DOCK5: variants seen among roughly 807,000 people sequenced by gnomAD.
DOCK5 encodes dedicator of cytokinesis 5.
A neutral mutation model predicts 251.8 loss-of-function variants in DOCK5; 142 were observed. That is an observed-to-expected ratio of 0.56 (90% confidence interval 0.49 to 0.65). The LOEUF (loss-of-function observed/expected upper bound fraction) is 0.65, where lower values mean the gene tolerates loss of function less well. Ranked by LOEUF, DOCK5 falls within the 30% of genes least tolerant of loss-of-function variation. The pLI, the probability that DOCK5 is intolerant of heterozygous loss-of-function variation, is 0.00. For synonymous variants in DOCK5, 842 were observed against 835.5 expected (o/e 1.01, Z -0.13); for missense variants, 2,111 against 2,312.3 (o/e 0.91, Z 1.79).
intron 45 of DOCK5, among the ~76,000 whole-genome samples, chr8:25,396,545 T>C (rs548708280): frequency 1.9e-4 from 29 of 152,328 alleles, no homozygotes; most frequent in Admixed American, 1.7e-3. Context: ...AAAATACACA[T>C]CATGCATTCA....
chr8:25,262,821 A>G (rs1803630098), intron 2 of DOCK5, among the ~76,000 whole-genome samples: 1 of 150,662 alleles, frequency 6.6e-6, no homozygotes, highest in Non-Finnish European at 1.5e-5. Flanking sequence ...ATATAGATAC[A>G]ATTTTTTTTT....
rs1250378736 is a variant in DOCK5, at chr8:25,399,675, C to T, written c.4705-236C>T. Among the ~76,000 whole-genome samples, 4 of 152,192 alleles carry T rather than the reference C, an allele frequency of 2.6e-5. No homozygotes were observed. The East Asian group carries it at 7.7e-4, about 29-fold the overall frequency. On this transcript the variant is annotated intron_variant, in intron 45 of 51. Transcript: ENST00000276440. The stretch of plus-strand genomic sequence containing the variant: ...TTGATTAGTGTGTGTGTGTGGTGGG[C>T]TGGTGACTGTTAAGAATGTAGTTTT...
Position 25,342,401 on chromosome 8 carries a change from C to A in DOCK5, c.2511C>A (p.Ser837Arg). Residue 837 changes from serine to arginine, a missense_variant and splice_region_variant, in exon 25 of 52, where the codon AGC becomes AGA. Coordinates refer to ENST00000276440, the MANE Select transcript of DOCK5 (RefSeq NM_024940.8). Reference sequence around the variant, plus strand: ...ACTAACCCTGAGGTTTCTCTCCCAGCGTGCTCTTCTGCAAATTCATTCAAA... The same window carrying A: ...ACTAACCCTGAGGTTTCTCTCCCAGAGTGCTCTTCTGCAAATTCATTCAAA... ...VKLVFDPVEL[S>R]VLFCKFIQSI... 14 of 1,582,740 alleles carry A rather than the reference C, an allele frequency of 8.8e-6. No homozygotes were observed. The highest frequency in any genetic ancestry group is 1.2e-5 in the Non-Finnish European group (14 of 1,162,102).
chr8:25,239,319 ATGTGTGTGTGTGTGTGTGTGTATGTG>A, intron 1 of DOCK5, among the ~76,000 whole-genome samples: 2 of 131,058 alleles, frequency 1.5e-5, no homozygotes, highest in African/African-American at 6.2e-5. Context: ...GTGCGTGTAT[ATGTGTGTGTGTGTGTGTGTGTATGTG>A]TGTGTGTGTG....
chr8:25,301,076 G>C (rs1804747827), intron 9 of DOCK5, among the ~76,000 whole-genome samples: 1 of 151,774 alleles, frequency 6.6e-6, no homozygotes, highest in African/African-American at 2.4e-5. Flanking sequence ...TAAAGTACAA[G>C]AGGAGTGATG....
At chr8:25,320,901 T>G in intron 15 of DOCK5, 79 bp from the exon 16 acceptor site, 2 of 1,258,250 alleles carry the variant, frequency 1.6e-6, no homozygotes, top group South Asian at 2.5e-5. Context: ...AGTATAAAAT[T>G]GAGCCTAATT....
chr8:25,193,484 A>G (rs1425254821), intron 1 of DOCK5, among the ~76,000 whole-genome samples: 1 of 152,028 alleles, frequency 6.6e-6, no homozygotes, highest in Non-Finnish European at 1.5e-5. Flanking sequence ...AATGAGGCCA[A>G]ATGTGGTGGT....
intron 19 of DOCK5, 78 bp downstream of exon 19, chr8:25,332,426 C>T (rs538729649): frequency 7.8e-7 from 1 of 1,274,936 alleles, no homozygotes; most frequent in South Asian, 1.4e-5. Flanking sequence ...ATTGGTTCAC[C>T]ATTTAAAATT....
intron 25 of DOCK5, among the ~76,000 whole-genome samples, 193 bp downstream of exon 25, chr8:25,342,700 T>TG (rs1554490865): frequency 8.7e-6 from 1 of 114,554 alleles, no homozygotes; most frequent in African/African-American, 3.6e-5. Context: ...TGTTTTTTTT[T>TG]TTTTTTTTTT....
Position 25,407,306 on chromosome 8 carries a change from G to T in DOCK5, c.5094-677G>T, listed in dbSNP as rs1202341772. On this transcript the variant is annotated intron_variant, in intron 48 of 51. Coordinates refer to ENST00000276440, the MANE Select transcript of DOCK5 (RefSeq NM_024940.8). The stretch of plus-strand genomic sequence containing the variant: ...GATTACTACATTCTAGTAGTATGTA[G>T]TTTGTGGGTAGGATTTGAACACAGG... 4.6e-5 allele frequency among the ~76,000 whole-genome samples: 7 copies of T among 152,046 alleles called. No homozygotes were observed. In the East Asian group the frequency reaches 1.2e-3, roughly 25 times the overall value.
intron 28 of DOCK5, 49 bp downstream of exon 28, chr8:25,359,110 G>A (rs1457281473): frequency 6.5e-7 from 1 of 1,540,190 alleles, no homozygotes. Context: ...CTTAAATTTG[G>A]TTTAAAAAAA....
At chr8:25,324,781 C>T (rs1180888338) in intron 17 of DOCK5, among the ~76,000 whole-genome samples, 1 of 150,944 alleles carries the variant, frequency 6.6e-6, no homozygotes, top group Non-Finnish European at 1.5e-5. Flanking sequence ...TCTCCTAATG[C>T]TATCCCTCCC....
intron 5 of DOCK5, among the ~76,000 whole-genome samples, chr8:25,279,626 T>G (rs1216863993): frequency 6.6e-6 from 1 of 152,036 alleles, no homozygotes; most frequent in Admixed American, 6.6e-5. Flanking sequence ...TTTTATTTAT[T>G]TATTTTTTTG....
intron 1 of DOCK5, among the ~76,000 whole-genome samples, chr8:25,235,116 G>A (rs752561977): frequency 7.2e-5 from 11 of 152,114 alleles, no homozygotes; most frequent in Non-Finnish European, 1.6e-4. Flanking sequence ...TCTCCTTTTT[G>A]GGCCTCACAA....
Position 25,184,806 on chromosome 8 carries a change from G to A in DOCK5, c.-103G>A. ...AGTCCAGCGAAGTTTGGCGGAACAT[G>A]GCGGAAGCGTCTGGGGCACGCAGGA... is the stretch of plus-strand genomic sequence containing the variant. On this transcript the variant is annotated 5_prime_UTR_variant, in exon 1 of 52. It removes an upstream start codon present in the reference 5' UTR. Transcript: ENST00000276440. 9.1e-7 allele frequency: 1 copy of A among 1,100,716 alleles called. No homozygotes were observed. The highest frequency in any genetic ancestry group is 1.2e-6 in the Non-Finnish European group (1 of 863,730). 68.2% of individuals were successfully genotyped at this position (1,100,716 alleles called of 1,614,324 possible).
intron 30 of DOCK5, among the ~76,000 whole-genome samples, chr8:25,365,097 C>T (rs925145772): frequency 2.0e-5 from 3 of 152,208 alleles, no homozygotes; most frequent in Non-Finnish European, 4.4e-5. Flanking sequence ...TTCTAAAGAA[C>T]AGTTCTTATG....
chr8:25,397,221 A>G (rs1563230519), intron 45 of DOCK5, among the ~76,000 whole-genome samples: 1 of 144,508 alleles, frequency 6.9e-6, no homozygotes, highest in Non-Finnish European at 1.5e-5. Flanking sequence ...CACTCCGTCT[A>G]AAAAAAAAAA....
At chr8:25,385,887 G>A (rs986172655) in intron 40 of DOCK5, among the ~76,000 whole-genome samples, 1 of 152,132 alleles carries the variant, frequency 6.6e-6, no homozygotes, top group African/African-American at 2.4e-5. Flanking sequence ...AAAGAAAATG[G>A]CATTTTTGCA....
intron 1 of DOCK5, among the ~76,000 whole-genome samples, chr8:25,203,443 ATTCTT>A (rs1289274340): frequency 1.3e-5 from 2 of 152,220 alleles, no homozygotes; most frequent in African/African-American, 2.4e-5. Flanking sequence ...CTACAGAAGA[ATTCTT>A]TTCATGTTTG....
Sources: gnomAD v4.1 joint callset for allele counts (sites outside exome capture counted in the v4.1 genomes callset) on GRCh38, gnomAD v4.1.1 for gene constraint, MANE v1.5 for transcripts, NCBI Gene and HGNC (gene_info 2026-07-23, HGNC 2026-07-21) for gene names.